Variants in DLGAP2 observed in about 807,000 individuals in gnomAD.
DLGAP2 encodes disks large-associated protein 2.
Under a neutral mutation model 100.3 loss-of-function variants are expected in DLGAP2, and 26 were observed. The ratio of observed to expected loss-of-function variants is 0.26; its 90% CI spans 0.19 to 0.36. The LOEUF is 0.36. DLGAP2 is among the 10% of genes least tolerant of loss of function. The probability of loss-of-function intolerance (pLI) is 1.00; values close to 1 mark genes in which losing one functional copy is unlikely to be tolerated. For missense variants in DLGAP2, 1,858 were observed against 1,453.2 expected, an observed-to-expected ratio of 1.28 and a Z score of -4.53; for synonymous variants, 886 against 630.1, an observed-to-expected ratio of 1.41 and a Z score of -6.08.
At chr8:1,291,722 G>T (rs149046441) in intron 3 of DLGAP2, among the ~76,000 whole-genome samples, 286 of 152,130 alleles carry the variant, frequency 1.9e-3, no homozygotes, top group African/African-American at 6.6e-3. Context: ...CTCAAAGTTG[G>T]GTGTTCCAGT....
intron 1 of DLGAP2, among the ~76,000 whole-genome samples, chr8:856,271 C>A (rs1797276346): frequency 6.7e-6 from 1 of 150,312 alleles, no homozygotes; most frequent in African/African-American, 2.4e-5. Flanking sequence ...TCGCTACAAC[C>A]TTCGCCTCCC....
chr8:1,110,783 C>G (rs7838632), intron 2 of DLGAP2, among the ~76,000 whole-genome samples: 1 of 149,924 alleles, frequency 6.7e-6, no homozygotes, highest in South Asian at 2.1e-4. Context: ...TTTTACAGAC[C>G]CTCTCTCTCA....
chr8:1,521,853 A>G (rs1800610087), intron 4 of DLGAP2, among the ~76,000 whole-genome samples: 2 of 137,912 alleles, frequency 1.5e-5, no homozygotes, highest in African/African-American at 5.5e-5. Flanking sequence ...GGGGCAGGTG[A>G]TTTGGGGCGT....
intron 1 of DLGAP2, among the ~76,000 whole-genome samples, chr8:801,111 A>C (rs1262882005): frequency 6.6e-6 from 1 of 152,190 alleles, no homozygotes; most frequent in Non-Finnish European, 1.5e-5. Flanking sequence ...ATCCCACTGC[A>C]TGATCGGTTG....
chr8:1,624,522 G>T (rs185287962), intron 6 of DLGAP2, among the ~76,000 whole-genome samples: 2 of 151,682 alleles, frequency 1.3e-5, no homozygotes, highest in Non-Finnish European at 2.9e-5. Context: ...CCATCAACCT[G>T]AGCCTGAAAC....
intron 3 of DLGAP2, among the ~76,000 whole-genome samples, chr8:1,364,049 G>T (rs1802048646): frequency 6.6e-6 from 1 of 152,112 alleles, no homozygotes; most frequent in Non-Finnish European, 1.5e-5. Flanking sequence ...CCCATATGGG[G>T]GTCTTCCTCA....
At chr8:897,874 G>C (rs1485643372) in intron 1 of DLGAP2, among the ~76,000 whole-genome samples, 3 of 152,072 alleles carry the variant, frequency 2.0e-5, no homozygotes, top group Non-Finnish European at 2.9e-5. Flanking sequence ...AGTTTCTCTG[G>C]GGACCAGGCT....
rs1476924309 is a variant in DLGAP2 at position 1,316,118 on chromosome 8, A to G, written c.106+57235A>G. Among the ~76,000 whole-genome samples, 3 of 130,424 alleles carry G rather than the reference A, an allele frequency of 2.3e-5. 1 individual carries two copies. The highest frequency in any genetic ancestry group is 3.3e-5 in the Non-Finnish European group (2 of 60,404). The allele number at this position is 130,424 out of a possible 152,430, so 85.6% of individuals were successfully genotyped here. On this transcript the variant is annotated intron_variant, in intron 3 of 14. Transcript: ENST00000637795. Reference sequence around the variant, plus strand: ...ACACTCGAGACACTCGGCAGCTTTTAAAAATAGAGCGTGTGCGAGTGCAGC... The same window carrying G: ...ACACTCGAGACACTCGGCAGCTTTTGAAAATAGAGCGTGTGCGAGTGCAGC...
At chr8:1,242,501 C>G (rs1194661621) in intron 2 of DLGAP2, among the ~76,000 whole-genome samples, 2 of 152,336 alleles carry the variant, frequency 1.3e-5, no homozygotes, top group South Asian at 2.1e-4. Flanking sequence ...GAATGTTGCA[C>G]CAACCCCGCC....
intron 1 of DLGAP2, among the ~76,000 whole-genome samples, chr8:767,853 T>C (rs1469404776): frequency 6.6e-6 from 1 of 152,196 alleles, no homozygotes; most frequent in African/African-American, 2.4e-5. Flanking sequence ...TTCAGTAAAC[T>C]TGACCCTCAG....
chr8:1,567,022 G>A (rs1204400920), intron 6 of DLGAP2, among the ~76,000 whole-genome samples: 1 of 152,186 alleles, frequency 6.6e-6, no homozygotes, highest in Non-Finnish European at 1.5e-5. Flanking sequence ...GCCAGCTTGT[G>A]GGACGAGTGG....
chr8:1,346,830 G>C (rs974923896), intron 3 of DLGAP2, among the ~76,000 whole-genome samples: 1 of 145,716 alleles, frequency 6.9e-6, no homozygotes, highest in Non-Finnish European at 1.5e-5. Flanking sequence ...CCCATACAGA[G>C]CTGCATTGCA....
chr8:1,602,598 T>C (rs1796663988), intron 6 of DLGAP2, among the ~76,000 whole-genome samples: 1 of 152,200 alleles, frequency 6.6e-6, no homozygotes, highest in African/African-American at 2.4e-5. Context: ...TCCCAGGCAA[T>C]GATGAGATGG....
chr8:1,348,330 A>G (rs1164768377), intron 3 of DLGAP2, among the ~76,000 whole-genome samples: 175 of 114,262 alleles, frequency 1.5e-3, no homozygotes, highest in African/African-American at 2.6e-3. Context: ...CTGTGTGGAG[A>G]TTGAGTTCCT....
At chr8:1,316,148 C>T (rs535170653) in intron 3 of DLGAP2, among the ~76,000 whole-genome samples, 1 of 120,682 alleles carries the variant, frequency 8.3e-6, no homozygotes, top group South Asian at 2.9e-4. Context: ...TGCAGCGTCT[C>T]CCCAACAGTG....
At position 1,573,411 on chromosome 8, in the gene DLGAP2, G is replaced by A. The variant is rs142770766; in HGVS notation, c.1442+7517G>A. The stretch of plus-strand genomic sequence containing the variant: ...GGAGAGAGGGGTGAACTGTGGGGGC[G>A]TCTGATGAGATGGAGAGGAGAGAAG... On this transcript the variant is annotated intron_variant, in intron 6 of 14. Transcript: ENST00000637795. Among the ~76,000 whole-genome samples, 1,196 of 131,854 alleles carry A rather than the reference G, an allele frequency of 9.1e-3. 23 individuals carry two copies. The highest frequency in any genetic ancestry group is 0.032 in the African/African-American group (1,105 of 34,232). The allele number at this position is 131,854 out of a possible 152,430, so 86.5% of individuals were successfully genotyped here. A position where few individuals can be genotyped will look rare whatever the true frequency, so the allele number is the denominator to read the frequency against.
intron 12 of DLGAP2, among the ~76,000 whole-genome samples, chr8:1,681,130 A>G (rs1356480239): frequency 1.3e-5 from 2 of 152,232 alleles, no homozygotes; most frequent in Admixed American, 6.5e-5. Flanking sequence ...ATAAAATTGT[A>G]TCCTATTATC....
chr8:1,092,285 G>T (rs111876788), intron 2 of DLGAP2, among the ~76,000 whole-genome samples: 166 of 152,328 alleles, frequency 1.1e-3, no homozygotes, highest in African/African-American at 3.8e-3. Context: ...CATTTCCACT[G>T]TGCCGGGCTG....
intron 12 of DLGAP2, among the ~76,000 whole-genome samples, chr8:1,683,246 C>T (rs1264021038): frequency 6.6e-6 from 1 of 151,612 alleles, no homozygotes; most frequent in African/African-American, 2.4e-5. Context: ...GAAGGTGGCA[C>T]TGTGCTGGGC....
Sources: allele counts gnomAD v4.1 joint callset (sites outside exome capture counted in the v4.1 genomes callset), GRCh38; gene constraint gnomAD v4.1.1; transcripts MANE v1.5; gene names NCBI Gene and HGNC (gene_info 2026-07-23, HGNC 2026-07-21).